The following SYNPR variants were observed in gnomAD, a reference collection of about 807,000 sequenced individuals.
SYNPR encodes synaptoporin.
Under a neutral mutation model 32.9 loss-of-function variants are expected in SYNPR, and 23 were observed. The ratio of observed to expected loss-of-function variants is 0.70; its 90% confidence interval spans 0.50 to 0.99. The LOEUF is 0.99. Among genes scored for constraint, SYNPR ranks in the 50% least tolerant of loss-of-function variants. The pLI, the probability that SYNPR is intolerant of heterozygous loss-of-function variation, is 0.00. For missense variants in SYNPR, 318 were observed against 349.3 expected, an observed-to-expected ratio of 0.91 and a Z score of 0.71; for synonymous variants, 146 against 135.9, an observed-to-expected ratio of 1.07 and a Z score of -0.52.
chr3:63,568,513 T>C (rs1401985144), intron 4 of SYNPR, among the ~76,000 whole-genome samples: 1 of 152,172 alleles, frequency 6.6e-6, no homozygotes, highest in Non-Finnish European at 1.5e-5. Context: ...TCAATCATGG[T>C]GCCTCACTTG....
chr3:63,316,773 G>C (rs1244923891), intron 2 of SYNPR, among the ~76,000 whole-genome samples: 1 of 151,734 alleles, frequency 6.6e-6, no homozygotes, highest in Admixed American at 6.6e-5. Flanking sequence ...ATTCTGCTGG[G>C]TTAGGGGTTG....
intron 1 of SYNPR, among the ~76,000 whole-genome samples, chr3:63,229,855 C>G (rs1319926810): frequency 1.3e-5 from 2 of 152,150 alleles, no homozygotes; most frequent in African/African-American, 4.8e-5. Context: ...ACTGCAATTA[C>G]TTTTGCACCA....
At chr3:63,396,594 G>A (rs1424532379) in intron 2 of SYNPR, among the ~76,000 whole-genome samples, 1 of 152,022 alleles carries the variant, frequency 6.6e-6, no homozygotes, top group Non-Finnish European at 1.5e-5. Flanking sequence ...TGGACTATCA[G>A]GTCTTTAGTT....
chr3:63,388,163 T>C (rs2088080647), intron 2 of SYNPR, among the ~76,000 whole-genome samples: 1 of 151,952 alleles, frequency 6.6e-6, no homozygotes, highest in Non-Finnish European at 1.5e-5. Context: ...GTGAGTGACT[T>C]TGAGTGAGGC....
intron 2 of SYNPR, among the ~76,000 whole-genome samples, chr3:63,294,867 G>T (rs755069662): frequency 5.3e-5 from 8 of 152,014 alleles, no homozygotes; most frequent in Non-Finnish European, 1.2e-4. Flanking sequence ...TTCTGAAATT[G>T]CACTTCATGT....
chr3:63,562,081 G>T (rs1191562019), intron 4 of SYNPR, among the ~76,000 whole-genome samples: 1 of 152,170 alleles, frequency 6.6e-6, no homozygotes, highest in Non-Finnish European at 1.5e-5. Context: ...TCAGAAAGCA[G>T]AAATGTCCGT....
intron 3 of SYNPR, among the ~76,000 whole-genome samples, chr3:63,554,468 T>C (rs28822792): frequency 0.021 from 3,127 of 152,268 alleles, 100 homozygotes; most frequent in African/African-American, 0.07. Flanking sequence ...GAGTAGGGAG[T>C]TCTTTTTCTA....
Position 63,565,356 on chromosome 3 carries a change from C to T in SYNPR, c.408+8615C>T, listed in dbSNP as rs1702762980. 2.0e-5 allele frequency among the ~76,000 whole-genome samples: 3 copies of T among 152,068 alleles called. No homozygotes were observed. In the South Asian group the frequency reaches 6.2e-4, roughly 31 times the overall value. Reference sequence around the variant, plus strand: ...CTCACAGTTCTGGAGGCTGGAAAGTCCAAGATCAAGTTTCCAGCAGGTTCT... The same window carrying T: ...CTCACAGTTCTGGAGGCTGGAAAGTTCAAGATCAAGTTTCCAGCAGGTTCT... On this transcript the variant is annotated intron_variant, in intron 4 of 5. Coordinates refer to ENST00000478300, the MANE Select transcript of SYNPR (RefSeq NM_001130003.2).
intron 2 of SYNPR, among the ~76,000 whole-genome samples, chr3:63,383,076 T>C (rs2087993458): frequency 6.6e-6 from 1 of 152,246 alleles, no homozygotes; most frequent in Non-Finnish European, 1.5e-5. Flanking sequence ...GCGAAACATT[T>C]AGTCATTTCA....
chr3:63,479,631 A>G (rs540730725), intron 2 of SYNPR, among the ~76,000 whole-genome samples: 1 of 152,260 alleles, frequency 6.6e-6, no homozygotes, highest in East Asian at 1.9e-4. Flanking sequence ...AGTTATAGAT[A>G]ATATTCATTT....
intron 1 of SYNPR, among the ~76,000 whole-genome samples, chr3:63,245,741 AT>A (rs2086283045): frequency 5.8e-5 from 5 of 86,868 alleles, no homozygotes; most frequent in African/African-American, 1.4e-4. Context: ...GTGTGTGTGT[AT>A]GTGTGTGTGT....
At chr3:63,384,739 A>G (rs1015178904) in intron 2 of SYNPR, among the ~76,000 whole-genome samples, 8 of 152,200 alleles carry the variant, frequency 5.3e-5, no homozygotes, top group Admixed American at 2.0e-4. Flanking sequence ...TAAATGCTGT[A>G]CATTGATTTT....
At position 63,572,303 on chromosome 3, in the gene SYNPR, C is replaced by T. The variant is rs542270619; in HGVS notation, c.408+15562C>T. Among the ~76,000 whole-genome samples the T allele has an allele frequency of 1.1e-4, 16 of 152,218 alleles. No individual in the cohort carries two copies. The East Asian group carries it at 2.9e-3, about 28-fold the overall frequency. On this transcript the variant is annotated intron_variant, in intron 4 of 5. Coordinates refer to ENST00000478300, the MANE Select transcript of SYNPR (RefSeq NM_001130003.2). ...TCTCCTCCTCCTCCTCCTCCTTCCT[C>T]TTCTTATTCTTATTCTTCTTCTTTT...
intron 1 of SYNPR, among the ~76,000 whole-genome samples, chr3:63,230,699 A>G (rs1040286671): frequency 1.3e-5 from 2 of 152,152 alleles, no homozygotes; most frequent in African/African-American, 2.4e-5. Flanking sequence ...TTAACTAATG[A>G]CCTCACCTGA....
intron 4 of SYNPR, among the ~76,000 whole-genome samples, chr3:63,573,198 A>T (rs1170893377): frequency 6.6e-6 from 1 of 152,190 alleles, no homozygotes; most frequent in East Asian, 1.9e-4. Context: ...TCAGAGAATT[A>T]CCAGAAGATT....
chr3:63,392,422 A>G (rs1267433661), intron 2 of SYNPR, among the ~76,000 whole-genome samples: 2 of 152,208 alleles, frequency 1.3e-5, no homozygotes, highest in Admixed American at 6.5e-5. Flanking sequence ...GCTACTCATA[A>G]TCCTTGACAG....
At chr3:63,552,668 A>G (rs768574634) in intron 3 of SYNPR, among the ~76,000 whole-genome samples, 15 of 152,174 alleles carry the variant, frequency 9.9e-5, no homozygotes, top group Non-Finnish European at 1.6e-4. Context: ...CATAGTCCCT[A>G]GTAATTCTAA....
chr3:63,454,711 C>T (rs893772349), intron 2 of SYNPR, among the ~76,000 whole-genome samples: 1 of 151,920 alleles, frequency 6.6e-6, no homozygotes, highest in East Asian at 2.0e-4. Flanking sequence ...GAAAACCTCC[C>T]ATAAAACAAA....
At chr3:63,543,839 G>C (rs1290297830) in intron 3 of SYNPR, among the ~76,000 whole-genome samples, 1 of 152,018 alleles carries the variant, frequency 6.6e-6, no homozygotes, top group African/African-American at 2.4e-5. Context: ...TCACTCTCTA[G>C]AATTTACTTC....
Sources: gnomAD v4.1 joint callset for allele counts (sites outside exome capture counted in the v4.1 genomes callset) on GRCh38, gnomAD v4.1.1 for gene constraint, MANE v1.5 for transcripts, NCBI Gene and HGNC (gene_info 2026-07-23, HGNC 2026-07-21) for gene names.